KCNQ5: variants seen among roughly 807,000 people sequenced by gnomAD.
KCNQ5 encodes the protein potassium voltage-gated channel subfamily KQT member 5.
KCNQ5 carries 30 observed loss-of-function variants against 98.2 expected under a neutral mutation model. The ratio of observed to expected loss-of-function variants is 0.31; its 90% CI spans 0.23 to 0.41. KCNQ5 has a LOEUF of 0.41. Ranked by LOEUF, KCNQ5 falls within the 10% of genes least tolerant of loss-of-function variation. The probability of loss-of-function intolerance (pLI) is 1.00; values close to 1 mark genes in which losing one functional copy is unlikely to be tolerated. For missense variants in KCNQ5, 835 were observed against 1,182.5 expected, an observed-to-expected ratio of 0.71 and a Z score of 4.31; for synonymous variants, 458 against 449.4, an observed-to-expected ratio of 1.02 and a Z score of -0.24.
chr6:73,092,383 CT>C (rs1562173246), intron 5 of KCNQ5, among the ~76,000 whole-genome samples: 1 of 152,082 alleles, frequency 6.6e-6, no homozygotes, highest in African/African-American at 2.4e-5. Context: ...TTCCTCTTGT[CT>C]GATTGCTCTG....
intron 3 of KCNQ5, chr6:73,055,575 C>A: frequency 1.4e-6 from 2 of 1,383,604 alleles, no homozygotes; most frequent in Non-Finnish European, 2.1e-6. Flanking sequence ...ATTGCCAGAG[C>A]TCTGCCCTTC....
At chr6:72,734,228 A>G (rs1423018560) in intron 1 of KCNQ5, among the ~76,000 whole-genome samples, 2 of 152,234 alleles carry the variant, frequency 1.3e-5, no homozygotes, top group African/African-American at 4.8e-5. Context: ...AGACTGAAAA[A>G]TGTTATTTAA....
chr6:72,889,166 T>G (rs1056370925), intron 1 of KCNQ5, among the ~76,000 whole-genome samples: 3 of 152,070 alleles, frequency 2.0e-5, no homozygotes. Context: ...TTGAATGCAG[T>G]AAGGAAAAAA....
At chr6:72,686,274 A>T (rs1218838236) in intron 1 of KCNQ5, among the ~76,000 whole-genome samples, 2 of 152,342 alleles carry the variant, frequency 1.3e-5, no homozygotes, top group East Asian at 3.9e-4. Context: ...AATATAAGAA[A>T]GAGTAAGACT....
At chr6:72,762,458 A>G (rs983876050) in intron 1 of KCNQ5, among the ~76,000 whole-genome samples, 2 of 152,082 alleles carry the variant, frequency 1.3e-5, no homozygotes, top group Admixed American at 6.6e-5. Flanking sequence ...GATCTTACAC[A>G]CTTTTTGATC....
At chr6:73,175,354 T>C (rs1426959245) in intron 11 of KCNQ5, among the ~76,000 whole-genome samples, 3 of 151,894 alleles carry the variant, frequency 2.0e-5, no homozygotes, top group African/African-American at 7.3e-5. Flanking sequence ...TTCTCCATGT[T>C]GGTCAGGCTG....
intron 1 of KCNQ5, among the ~76,000 whole-genome samples, chr6:72,706,347 T>C (rs2154474860): frequency 6.6e-6 from 1 of 150,696 alleles, no homozygotes; most frequent in South Asian, 2.1e-4. Context: ...TAATATTTTA[T>C]AAAATATCTT....
intron 9 of KCNQ5, among the ~76,000 whole-genome samples, chr6:73,131,383 T>C (rs918243286): frequency 1.3e-5 from 2 of 152,170 alleles, no homozygotes; most frequent in African/African-American, 4.8e-5. Flanking sequence ...ACCAACCTTT[T>C]ATAGTAATTA....
At chr6:72,675,257 T>C (rs1045330265) in intron 1 of KCNQ5, among the ~76,000 whole-genome samples, 6 of 152,176 alleles carry the variant, frequency 3.9e-5, no homozygotes, top group African/African-American at 9.7e-5. Flanking sequence ...TAAGGCTTAG[T>C]AGTCATGAAC....
intron 1 of KCNQ5, among the ~76,000 whole-genome samples, chr6:72,935,064 CTTTTTTTTTTT>C (rs59215198): frequency 3.0e-5 from 3 of 99,226 alleles, no homozygotes; most frequent in Middle Eastern, 7.2e-3. Flanking sequence ...CTTGTTCTAT[CTTTTTTTTTTT>C]TTTTTTTTTT....
chr6:73,188,707 G>T (rs966292390), intron 11 of KCNQ5, among the ~76,000 whole-genome samples: 1 of 152,124 alleles, frequency 6.6e-6, no homozygotes, highest in Non-Finnish European at 1.5e-5. Flanking sequence ...CATCTAGGCC[G>T]GGCGCGGTGG....
intron 1 of KCNQ5, among the ~76,000 whole-genome samples, chr6:72,789,151 GTA>G (rs1442225236): frequency 3.3e-5 from 5 of 149,914 alleles, no homozygotes; most frequent in Admixed American, 1.3e-4. Flanking sequence ...TTGTTCATGT[GTA>G]TGTGTGTGTG....
At chr6:72,679,395 A>G (rs1162689696) in intron 1 of KCNQ5, among the ~76,000 whole-genome samples, 3 of 152,164 alleles carry the variant, frequency 2.0e-5, no homozygotes, top group African/African-American at 4.8e-5. Context: ...ATACAGCCAT[A>G]AAAAATGATG....
At chr6:73,128,001 G>T (rs570754256) in intron 9 of KCNQ5, among the ~76,000 whole-genome samples, 1 of 152,104 alleles carries the variant, frequency 6.6e-6, no homozygotes, top group Non-Finnish European at 1.5e-5. Flanking sequence ...GGAAGCAGAG[G>T]TTGCAGTGAG....
At chr6:73,085,345 C>T (rs185732971) in intron 5 of KCNQ5, among the ~76,000 whole-genome samples, 5 of 152,254 alleles carry the variant, frequency 3.3e-5, no homozygotes, top group East Asian at 1.9e-4. Flanking sequence ...AGGCAAAAAA[C>T]GAGGGAAACC....
intron 1 of KCNQ5, among the ~76,000 whole-genome samples, chr6:72,773,522 A>G (rs1039904073): frequency 2.0e-5 from 3 of 152,178 alleles, no homozygotes; most frequent in Admixed American, 6.6e-5. Context: ...TGATGGATGC[A>G]GCAAACCACC....
At chr6:72,785,720 A>G (rs897635406) in intron 1 of KCNQ5, among the ~76,000 whole-genome samples, 3 of 152,076 alleles carry the variant, frequency 2.0e-5, no homozygotes, top group African/African-American at 4.8e-5. Context: ...TAGCAGGCAG[A>G]ATTTGTGTAT....
chr6:72,669,398 G>GAATAATCCTCTTTGC (rs1565069846), intron 1 of KCNQ5, among the ~76,000 whole-genome samples: 8 of 152,128 alleles, frequency 5.3e-5, no homozygotes, highest in African/African-American at 1.9e-4. Flanking sequence ...ATTGTCTTTG[G>GAATAATCCTCTTTGC]CTTGAATAAT....
At chr6:73,091,699 C>A (rs1366807019) in intron 5 of KCNQ5, among the ~76,000 whole-genome samples, 1 of 89,766 alleles carries the variant, frequency 1.1e-5, no homozygotes, top group Middle Eastern at 5.3e-3. Context: ...TAATGTGATG[C>A]CTCCAGGTTT....
Sources: gnomAD v4.1 joint callset for allele counts (sites outside exome capture counted in the v4.1 genomes callset) on GRCh38, gnomAD v4.1.1 for gene constraint, MANE v1.5 for transcripts, NCBI Gene and HGNC (gene_info 2026-07-23, HGNC 2026-07-21) for gene names.